The following RIC8B variants were observed in gnomAD, a reference collection of about 807,000 sequenced individuals.
RIC8B encodes the protein RIC8 guanine nucleotide exchange factor B.
In RIC8B, 16 loss-of-function variants were observed where a neutral mutation model predicts 57.5. That is an observed-to-expected ratio of 0.28 (90% confidence interval 0.19 to 0.42). RIC8B has a LOEUF of 0.42. Ranked by LOEUF, RIC8B falls within the 10% of genes least tolerant of loss-of-function variation. The pLI is 1.00. For missense variants in RIC8B, 481 were observed against 677.0 expected (o/e 0.71, Z 3.21); for synonymous variants, 216 against 250.8 (o/e 0.86, Z 1.31).
intron 3 of RIC8B, among the ~76,000 whole-genome samples, chr12:106,821,875 G>A (rs943677620): frequency 1.3e-5 from 2 of 151,730 alleles, no homozygotes; most frequent in Non-Finnish European, 2.9e-5. Context: ...TCAGGAGATC[G>A]AGACCATCCT....
intron 9 of RIC8B, among the ~76,000 whole-genome samples, chr12:106,878,832 C>CG (rs896350128): frequency 3.3e-5 from 5 of 151,908 alleles, no homozygotes; most frequent in Admixed American, 1.3e-4. Context: ...GTTCCCCCCC[C>CG]CTTTTCTTCT....
At chr12:106,791,322 A>G (rs3782706) in intron 2 of RIC8B, among the ~76,000 whole-genome samples, 2,830 of 152,342 alleles carry the variant, frequency 0.019, 49 homozygotes, top group Middle Eastern at 0.048. Context: ...TTATATTACA[A>G]TAGATTATAA....
intron 4 of RIC8B, among the ~76,000 whole-genome samples, chr12:106,827,818 C>T (rs1195738950): frequency 6.6e-6 from 1 of 152,020 alleles, no homozygotes; most frequent in Non-Finnish European, 1.5e-5. Flanking sequence ...AAAGAAAATG[C>T]TCTTATAAGC....
chr12:106,778,348 A>T (rs984454540), intron 1 of RIC8B, among the ~76,000 whole-genome samples: 1 of 152,208 alleles, frequency 6.6e-6, no homozygotes, highest in Non-Finnish European at 1.5e-5. Flanking sequence ...GGAGAGAGGA[A>T]ATATGTATCT....
intron 1 of RIC8B, 175 bp downstream of exon 1, chr12:106,775,004 C>CA: frequency 1.7e-6 from 1 of 592,830 alleles, no homozygotes; most frequent in Non-Finnish European, 3.1e-6. Flanking sequence ...TCCATGCATC[C>CA]TGCATCCCAC....
At chr12:106,803,534 A>G (rs2044850011) in intron 2 of RIC8B, among the ~76,000 whole-genome samples, 1 of 152,168 alleles carries the variant, frequency 6.6e-6, no homozygotes, top group Admixed American at 6.5e-5. Flanking sequence ...CTGGTACTGG[A>G]AAGTTATTGC....
At chr12:106,826,000 A>C (rs1217938818) in intron 4 of RIC8B, among the ~76,000 whole-genome samples, 180 bp downstream of exon 4, 3 of 152,192 alleles carry the variant, frequency 2.0e-5, no homozygotes, top group South Asian at 2.1e-4. Context: ...AGAAATTTTT[A>C]TTCTGCCCCC....
In RIC8B at chr12:106,842,575, T is replaced by C. The variant is rs570933583; in HGVS notation, c.837-14T>C. On this transcript the variant is annotated splice_polypyrimidine_tract_variant and intron_variant, in intron 4 of 9. Transcript: ENST00000392837. ...ATCAAGTTAAAATATTGTATTTTTTTAATTGCTTTTCAGCAATGCAGTCAA... is the reference window on the plus strand; with the variant it reads ...ATCAAGTTAAAATATTGTATTTTTTCAATTGCTTTTCAGCAATGCAGTCAA... The C allele has an allele frequency of 2.5e-6, 4 of 1,586,162 alleles. No individual in the cohort carries two copies. In the South Asian group the frequency reaches 3.3e-5, roughly 13 times the overall value.
At chr12:106,868,302 T>C (rs1950225859) in intron 8 of RIC8B, 2 of 456,696 alleles carry the variant, frequency 4.4e-6, no homozygotes, top group South Asian at 3.1e-5. Flanking sequence ...AAATTACAGC[T>C]CCATTGAATT....
At chr12:106,832,845 T>A (rs1181775466) in intron 4 of RIC8B, among the ~76,000 whole-genome samples, 1 of 152,172 alleles carries the variant, frequency 6.6e-6, no homozygotes, top group Admixed American at 6.5e-5. Flanking sequence ...CTCAGGAAAT[T>A]AAGTGGCTCT....
intron 1 of RIC8B, 49 bp downstream of exon 1, chr12:106,774,878 C>G (rs547255527): frequency 3.7e-5 from 52 of 1,408,740 alleles, no homozygotes; most frequent in Admixed American, 2.6e-4. Context: ...CCGGGCCGCC[C>G]TCCGTGCTTG....
chr12:106,869,796 A>T (rs1950317073), intron 8 of RIC8B, among the ~76,000 whole-genome samples: 1 of 152,092 alleles, frequency 6.6e-6, no homozygotes. Flanking sequence ...AAAATTAGCC[A>T]GGCGTGGTGA....
At chr12:106,816,019 C>A (rs932541039) in intron 3 of RIC8B, among the ~76,000 whole-genome samples, 1 of 152,122 alleles carries the variant, frequency 6.6e-6, no homozygotes, top group South Asian at 2.1e-4. Context: ...CCCACAAGAA[C>A]AATATGCTAA....
At chr12:106,791,705 C>T (rs1052811554) in intron 2 of RIC8B, among the ~76,000 whole-genome samples, 1 of 152,256 alleles carries the variant, frequency 6.6e-6, no homozygotes, top group East Asian at 1.9e-4. Flanking sequence ...GGCCTTGGCT[C>T]CTAAGTTGGC....
In RIC8B at chr12:106,885,952, G is replaced by A. The variant is rs546384325; in HGVS notation, c.1620G>A (p.Thr540=). The change falls in exon 10 of 10, where the codon ACG becomes ACA. Residue 540 remains threonine (T), a synonymous_variant. Transcript: ENST00000392837. ...PMGLKPDGTI[T]PLEEALNQYS... ...GACTAAAACCTGATGGGACAATAACGCCTTTGGAGGAAGCACTCAACCAGT... is the reference window on the plus strand; with the variant it reads ...GACTAAAACCTGATGGGACAATAACACCTTTGGAGGAAGCACTCAACCAGT... The A allele has an allele frequency of 7.9e-5, 128 of 1,613,594 alleles. No individual in the cohort carries two copies. Among genetic ancestry groups the A allele is most frequent in the African/African-American group, 1.3e-4 (10 of 74,844 alleles).
intron 9 of RIC8B, among the ~76,000 whole-genome samples, chr12:106,875,824 C>T (rs2136634419): frequency 6.6e-6 from 1 of 152,152 alleles, no homozygotes; most frequent in Admixed American, 6.5e-5. Context: ...CTATTTGGAA[C>T]ATGACTTTTA....
intron 2 of RIC8B, among the ~76,000 whole-genome samples, chr12:106,814,058 A>G (rs191346108): frequency 6.6e-6 from 1 of 152,352 alleles, no homozygotes; most frequent in East Asian, 1.9e-4. Flanking sequence ...CAAGATAACA[A>G]AAGAAAGCTA....
chr12:106,793,311 A>C (rs886148594), intron 2 of RIC8B, among the ~76,000 whole-genome samples: 1 of 152,194 alleles, frequency 6.6e-6, no homozygotes, highest in African/African-American at 2.4e-5. Context: ...AATTTTGTCC[A>C]GGGGAAGAAG....
At chr12:106,849,336 A>T (rs1949355753) in intron 6 of RIC8B, among the ~76,000 whole-genome samples, 1 of 149,706 alleles carries the variant, frequency 6.7e-6, no homozygotes, top group African/African-American at 2.5e-5. Context: ...TATTTTTTGT[A>T]GAGACAGGGT....
Sources: allele counts gnomAD v4.1 joint callset (sites outside exome capture counted in the v4.1 genomes callset), GRCh38; gene constraint gnomAD v4.1.1; transcripts MANE v1.5; gene names NCBI Gene and HGNC (gene_info 2026-07-23, HGNC 2026-07-21).